NCKAP5: variants seen among roughly 807,000 people sequenced by gnomAD.
The protein encoded by NCKAP5 is NCK associated protein 5, also known as nck-associated protein 5.
A neutral mutation model predicts 167.0 loss-of-function variants in NCKAP5; 92 were observed. The ratio of observed to expected loss-of-function variants is 0.55; its 90% confidence interval spans 0.47 to 0.66. The LOEUF is 0.66. NCKAP5 is among the 30% of genes least tolerant of loss of function. The pLI is 0.00. For synonymous variants in NCKAP5, 891 were observed against 877.4 expected (o/e 1.02, Z -0.27); for missense variants, 2,378 against 2,315.0 (o/e 1.03, Z -0.56).
At chr2:132,779,029 G>C (rs558263457) in intron 15 of NCKAP5, among the ~76,000 whole-genome samples, 1 of 152,162 alleles carries the variant, frequency 6.6e-6, no homozygotes, top group South Asian at 2.1e-4. Flanking sequence ...TCTCTGTATG[G>C]AAAAGCTTCT....
intron 16 of NCKAP5, among the ~76,000 whole-genome samples, chr2:132,749,580 T>C (rs1679933526): frequency 6.6e-6 from 1 of 152,198 alleles, no homozygotes; most frequent in African/African-American, 2.4e-5. Flanking sequence ...ATCAACGCAC[T>C]ACCAAGCCGT....
intron 5 of NCKAP5, among the ~76,000 whole-genome samples, chr2:133,136,544 A>C (rs1240085078): frequency 1.3e-5 from 2 of 152,206 alleles, no homozygotes; most frequent in East Asian, 1.9e-4. Flanking sequence ...CTGAAGATAC[A>C]TGATAATTGA....
At chr2:133,082,036 C>A (rs2080828026) in intron 6 of NCKAP5, among the ~76,000 whole-genome samples, 2 of 152,056 alleles carry the variant, frequency 1.3e-5, no homozygotes, top group African/African-American at 4.8e-5. Flanking sequence ...TCCCTCCTCC[C>A]ACCCTCCACC....
chr2:133,308,505 G>A (rs1222968828), intron 3 of NCKAP5, among the ~76,000 whole-genome samples: 1 of 151,978 alleles, frequency 6.6e-6, no homozygotes, highest in Non-Finnish European at 1.5e-5. Flanking sequence ...TAAGACATCC[G>A]TGCCCTTTTG....
chr2:132,808,290 G>T (rs140425382), intron 11 of NCKAP5, among the ~76,000 whole-genome samples: 2 of 151,996 alleles, frequency 1.3e-5, no homozygotes, highest in Admixed American at 1.3e-4. Context: ...ATTAGGGAAG[G>T]TTCCTTCTTT....
rs1165568563 is a variant in NCKAP5, at chr2:133,330,053, CTTTTTTTT to C, written c.70-26951_70-26944del. Among the ~76,000 whole-genome samples, 323 of 85,696 alleles carry C rather than the reference CTTTTTTTT, an allele frequency of 3.8e-3. 1 individual carries two copies. The highest frequency in any genetic ancestry group is 0.012 in the African/African-American group (252 of 21,464). The allele number at this position is 85,696 out of a possible 152,430, so 56.2% of individuals were successfully genotyped here. ...GGGAATGTGGCCAAGAAAGCAAGAC[CTTTTTTTT>C]TTTTTTTTTTTTTTTTTTTTTCTGA... On this transcript the variant is annotated intron_variant, in intron 3 of 19. Coordinates refer to ENST00000409261, the MANE Select transcript of NCKAP5 (RefSeq NM_207363.3).
chr2:133,338,847 A>AAAAAAC (rs1265428288), intron 3 of NCKAP5, among the ~76,000 whole-genome samples: 1 of 151,974 alleles, frequency 6.6e-6, no homozygotes, highest in Non-Finnish European at 1.5e-5. Context: ...ATCTCTCCAA[A>AAAAAAC]AAAAACAAAA....
chr2:133,442,613 G>A (rs1490046733), intron 3 of NCKAP5, among the ~76,000 whole-genome samples: 2 of 152,138 alleles, frequency 1.3e-5, no homozygotes, highest in Non-Finnish European at 2.9e-5. Context: ...ATTGCCCCAG[G>A]GCTGAGGGCC....
intron 6 of NCKAP5, among the ~76,000 whole-genome samples, chr2:133,066,506 T>A (rs1434414860): frequency 6.6e-6 from 1 of 152,220 alleles, no homozygotes; most frequent in South Asian, 2.1e-4. Flanking sequence ...ATCATTCATA[T>A]CTACATGCAT....
At chr2:133,640,321 T>G in the NCKAP5 span, among the ~76,000 whole-genome samples, 1 of 152,342 alleles carries the variant, frequency 6.6e-6, no homozygotes, top group Non-Finnish European at 1.5e-5. Flanking sequence ...GTCAATCTTG[T>G]TAAACAGGAA....
chr2:133,456,797 C>G (rs553093163), intron 3 of NCKAP5, among the ~76,000 whole-genome samples: 1 of 152,232 alleles, frequency 6.6e-6, no homozygotes, highest in African/African-American at 2.4e-5. Context: ...GTACTTATTT[C>G]CCAGATACTT....
At chr2:133,386,033 G>A (rs1047755604) in intron 3 of NCKAP5, among the ~76,000 whole-genome samples, 1 of 151,992 alleles carries the variant, frequency 6.6e-6, no homozygotes, top group South Asian at 2.1e-4. Context: ...AGGGTTCTTT[G>A]TGTCTCTATT....
At chr2:132,704,412 C>T (rs1405041179) in intron 19 of NCKAP5, among the ~76,000 whole-genome samples, 2 of 152,166 alleles carry the variant, frequency 1.3e-5, no homozygotes, top group Non-Finnish European at 2.9e-5. Context: ...CTCTCCAATA[C>T]AACTCTAGCC....
chr2:132,758,683 A>T (rs568298665), intron 16 of NCKAP5, among the ~76,000 whole-genome samples: 19 of 152,176 alleles, frequency 1.2e-4, no homozygotes, highest in African/African-American at 3.6e-4. Flanking sequence ...TCCTCTTGGC[A>T]TCTCTCTTGT....
At chr2:133,249,225 A>AT (rs2088170598) in intron 4 of NCKAP5, among the ~76,000 whole-genome samples, 1 of 152,100 alleles carries the variant, frequency 6.6e-6, no homozygotes, top group Non-Finnish European at 1.5e-5. Flanking sequence ...GTTATCCTGG[A>AT]TTTTTTTGGC....
chr2:132,812,213 A>G (rs1042859969), intron 11 of NCKAP5, among the ~76,000 whole-genome samples: 1 of 152,092 alleles, frequency 6.6e-6, no homozygotes, highest in East Asian at 1.9e-4. Context: ...GTTGATCTGG[A>G]GCTAAAATTC....
At chr2:133,401,386 T>C (rs986202477) in intron 3 of NCKAP5, among the ~76,000 whole-genome samples, 1 of 152,216 alleles carries the variant, frequency 6.6e-6, no homozygotes, top group East Asian at 1.9e-4. Flanking sequence ...TAGCACATTA[T>C]CCAAACTGAG....
intron 8 of NCKAP5, among the ~76,000 whole-genome samples, chr2:132,915,890 A>AT (rs1374346963): frequency 6.6e-6 from 1 of 151,982 alleles, no homozygotes; most frequent in Non-Finnish European, 1.5e-5. Flanking sequence ...TGGGGATAAT[A>AT]TTTATAATAC....
intron 8 of NCKAP5, among the ~76,000 whole-genome samples, chr2:132,902,526 TCA>T (rs1473652334): frequency 6.6e-6 from 1 of 152,248 alleles, no homozygotes; most frequent in Non-Finnish European, 1.5e-5. Context: ...TACTCGTTTG[TCA>T]CATCCTGTAG....
Sources: allele counts gnomAD v4.1 joint callset (sites outside exome capture counted in the v4.1 genomes callset), GRCh38; gene constraint gnomAD v4.1.1; transcripts MANE v1.5; gene names NCBI Gene and HGNC (gene_info 2026-07-23, HGNC 2026-07-21).